Variants in XYLB observed in about 807,000 individuals in gnomAD.
XYLB encodes xylulokinase, also known as xylulose kinase.
Under a neutral mutation model 78.7 loss-of-function variants are expected in XYLB, and 62 were observed. The ratio of observed to expected loss-of-function variants is 0.79; its 90% CI spans 0.64 to 0.97. The LOEUF is 0.97. Among genes scored for constraint, XYLB ranks in the 50% least tolerant of loss-of-function variants. The pLI, the probability that XYLB is intolerant of heterozygous loss-of-function variation, is 0.00. For missense variants in XYLB, 687 were observed against 676.8 expected, an observed-to-expected ratio of 1.02 and a Z score of -0.17; for synonymous variants, 245 against 247.4, an observed-to-expected ratio of 0.99 and a Z score of 0.09.
intron 18 of XYLB, among the ~76,000 whole-genome samples, chr3:38,402,678 T>C (rs1708165175): frequency 6.6e-6 from 1 of 152,210 alleles, no homozygotes; most frequent in African/African-American, 2.4e-5. Flanking sequence ...GCACACCATC[T>C]GTCCTGCCTC....
chr3:38,433,958 A>T, the XYLB span, among the ~76,000 whole-genome samples: 1 of 152,226 alleles, frequency 6.6e-6, no homozygotes, highest in African/African-American at 2.4e-5. Context: ...TAAAGAAAAG[A>T]AGTTTAATTG....
chr3:38,437,324 A>G, the XYLB span, among the ~76,000 whole-genome samples: 2 of 152,176 alleles, frequency 1.3e-5, no homozygotes, highest in Admixed American at 1.3e-4. Context: ...CATGGAGAAA[A>G]GTGGAAAGCC....
chr3:38,402,171 A>G (rs1708147478), intron 18 of XYLB, among the ~76,000 whole-genome samples: 1 of 152,194 alleles, frequency 6.6e-6, no homozygotes, highest in Non-Finnish European at 1.5e-5. Context: ...GATCCCGAGC[A>G]TAGAAAACTC....
chr3:38,370,237 A>AGT (rs1553653427), intron 9 of XYLB, 63 bp downstream of exon 9: 5 of 339,158 alleles, frequency 1.5e-5, no homozygotes, highest in African/African-American at 1.3e-4. Context: ...GAAGCACTGT[A>AGT]GCGCACACAC....
intron 6 of XYLB, 77 bp downstream of exon 6, chr3:38,365,813 G>T (rs565247615): frequency 2.3e-5 from 34 of 1,498,556 alleles, no homozygotes; most frequent in Non-Finnish European, 2.9e-5. Flanking sequence ...CCTGCCTCTG[G>T]GGGGATCACA....
At position 38,379,359 on chromosome 3, in the gene XYLB, C is replaced by A; in HGVS notation, c.1291+17C>A. On this transcript the variant is annotated intron_variant, in intron 15 of 18. Coordinates refer to ENST00000207870, the MANE Select transcript of XYLB (RefSeq NM_005108.4). ...ATCGAGTCAGTAAGTGAGCCACTGG[C>A]AGCATGTGTCCCGGGGTGGGGGCTC... 6.2e-7 allele frequency: 1 copy of A among 1,613,294 alleles called. No homozygotes were observed.
intron 1 of XYLB, 97 bp from the exon 2 acceptor site, chr3:38,348,453 C>T: frequency 8.5e-7 from 1 of 1,175,510 alleles, no homozygotes; most frequent in Non-Finnish European, 1.3e-6. Context: ...TGAACTGCTC[C>T]TAGGGTGTGG....
chr3:38,417,063 G>A (rs982673563), downstream of XYLB, among the ~76,000 whole-genome samples: 1 of 152,152 alleles, frequency 6.6e-6, no homozygotes, highest in African/African-American at 2.4e-5. Context: ...TACATATAAC[G>A]ATATAAGTGA....
chr3:38,392,544 G>A (rs1190421981), intron 15 of XYLB, among the ~76,000 whole-genome samples: 5 of 152,208 alleles, frequency 3.3e-5, no homozygotes, highest in Admixed American at 2.0e-4. Context: ...TGATACACCC[G>A]TCTCGGTCTC....
chr3:38,423,912 C>T (rs1425565955), downstream of XYLB, among the ~76,000 whole-genome samples: 1 of 152,130 alleles, frequency 6.6e-6, no homozygotes, highest in Non-Finnish European at 1.5e-5. Context: ...ACCATTGTGC[C>T]ACAGAAAGTA....
chr3:38,368,749 C>T (rs899212603), intron 8 of XYLB, among the ~76,000 whole-genome samples: 1 of 152,166 alleles, frequency 6.6e-6, no homozygotes, highest in African/African-American at 2.4e-5. Context: ...GATGTGCCAT[C>T]ACTTTTGTCT....
At chr3:38,351,171 C>CA (rs58457623) in intron 2 of XYLB, among the ~76,000 whole-genome samples, 1,412 of 22,976 alleles carry the variant, frequency 0.061, 206 homozygotes, top group Non-Finnish European at 0.11. Context: ...GAGCCTGTCT[C>CA]AAAAAAAAAA....
chr3:38,376,072 A>G, intron 12 of XYLB, 45 bp from the exon 13 acceptor site: 1 of 1,355,198 alleles, frequency 7.4e-7, no homozygotes, highest in Non-Finnish European at 1.1e-6. Flanking sequence ...GGGTCCAGTC[A>G]GCAAGCACCA....
At chr3:38,372,452 TG>T in intron 9 of XYLB, 2 of 985,446 alleles carry the variant, frequency 2.0e-6, no homozygotes, top group Non-Finnish European at 2.4e-6. Flanking sequence ...AAACCTGCAC[TG>T]GACTTCTCTG....
chr3:38,411,821 A>G (rs976781855), intron 18 of XYLB, among the ~76,000 whole-genome samples: 3 of 152,106 alleles, frequency 2.0e-5, no homozygotes, highest in Admixed American at 1.3e-4. Flanking sequence ...TGAGAAAACC[A>G]TAACTACCTG....
intron 18 of XYLB, among the ~76,000 whole-genome samples, chr3:38,402,998 T>A (rs4678605): frequency 0.49 from 74,457 of 152,022 alleles, 20,137 homozygotes; most frequent in Non-Finnish European, 0.61. Context: ...GTGATAAATT[T>A]GAAGTTACTA....
At chr3:38,375,854 G>A (rs196378) in intron 12 of XYLB, among the ~76,000 whole-genome samples, 2 of 151,938 alleles carry the variant, frequency 1.3e-5, no homozygotes, top group Non-Finnish European at 2.9e-5. Flanking sequence ...CAAGCTCCCT[G>A]TCTCTACCTG....
At chr3:38,440,299 G>A in the XYLB span, among the ~76,000 whole-genome samples, 2 of 152,302 alleles carry the variant, frequency 1.3e-5, no homozygotes, top group African/African-American at 2.4e-5. Context: ...ATAAGACCTC[G>A]TTCAGTCCAT....
intron 9 of XYLB, among the ~76,000 whole-genome samples, chr3:38,371,006 G>A (rs190378191): frequency 6.6e-5 from 10 of 152,306 alleles, no homozygotes; most frequent in African/African-American, 2.2e-4. Flanking sequence ...GAAGGGACAA[G>A]GGCACCCTGA....
Sources: allele counts gnomAD v4.1 joint callset (sites outside exome capture counted in the v4.1 genomes callset), GRCh38; gene constraint gnomAD v4.1.1; transcripts MANE v1.5; gene names NCBI Gene and HGNC (gene_info 2026-07-23, HGNC 2026-07-21).